LRMDA: variants seen among roughly 807,000 people sequenced by gnomAD.
LRMDA encodes the protein leucine rich melanocyte differentiation associated.
A neutral mutation model predicts 29.8 loss-of-function variants in LRMDA; 18 were observed. That is an observed-to-expected ratio of 0.60 (90% confidence interval 0.42 to 0.90). The LOEUF (loss-of-function observed/expected upper bound fraction) is 0.90. Ranked by LOEUF, LRMDA falls within the 40% of genes least tolerant of loss-of-function variation. The pLI is 0.00. For missense variants in LRMDA, 273 were observed against 273.9 expected (o/e 1.00, Z 0.02); for synonymous variants, 125 against 109.4 (o/e 1.14, Z -0.89).
At chr10:76,314,599 C>T (rs1840669059) in intron 5 of LRMDA, among the ~76,000 whole-genome samples, 1 of 152,160 alleles carries the variant, frequency 6.6e-6, no homozygotes, top group Non-Finnish European at 1.5e-5. Context: ...ATTCAGTAGA[C>T]TCAATTTCAA....
At chr10:75,938,739 C>T (rs1846338848) in intron 2 of LRMDA, among the ~76,000 whole-genome samples, 1 of 152,134 alleles carries the variant, frequency 6.6e-6, no homozygotes, top group Non-Finnish European at 1.5e-5. Flanking sequence ...GTGGCACTGC[C>T]TGAAGACCCT....
intron 5 of LRMDA, among the ~76,000 whole-genome samples, chr10:76,079,514 A>G (rs1203080959): frequency 6.6e-6 from 1 of 152,192 alleles, no homozygotes; most frequent in East Asian, 1.9e-4. Context: ...GCTTTCAACA[A>G]TAAAGTCTCA....
At chr10:75,461,988 T>C (rs927150377) in intron 2 of LRMDA, among the ~76,000 whole-genome samples, 3 of 152,280 alleles carry the variant, frequency 2.0e-5, no homozygotes, top group Non-Finnish European at 4.4e-5. Context: ...TTACCTGCAA[T>C]GGCAATCGTT....
intron 6 of LRMDA, among the ~76,000 whole-genome samples, chr10:76,444,401 C>T (rs1483792580): frequency 1.3e-5 from 2 of 152,154 alleles, no homozygotes; most frequent in Non-Finnish European, 2.9e-5. Context: ...GAGCTGGGCT[C>T]GAGCCCTGGT....
chr10:75,494,781 G>A lies in LRMDA; in HGVS notation c.131+56287G>A, dbSNP rs552557334. Among the ~76,000 whole-genome samples the A allele has an allele frequency of 1.4e-4, 21 of 152,236 alleles. No homozygotes were observed. In the East Asian group the frequency reaches 3.3e-3, roughly 24 times the overall value. On this transcript the variant is annotated intron_variant, in intron 2 of 6. Coordinates refer to ENST00000611255, the MANE Select transcript of LRMDA (RefSeq NM_001305581.2). ...CTCCCAGAGTGCTAGGATTACAGGC[G>A]TGAGCCACCGTGCCTGGCCTGTTTG...
intron 4 of LRMDA, among the ~76,000 whole-genome samples, chr10:76,054,427 G>T (rs1057122802): frequency 3.9e-5 from 6 of 151,972 alleles, no homozygotes; most frequent in African/African-American, 1.4e-4. Flanking sequence ...TAGCTTAAAA[G>T]CCAGCACCTC....
At chr10:75,856,968 G>A (rs921610969) in intron 2 of LRMDA, among the ~76,000 whole-genome samples, 3 of 152,108 alleles carry the variant, frequency 2.0e-5, no homozygotes, top group Non-Finnish European at 4.4e-5. Context: ...TAAGCTGATA[G>A]GCAACTTCAG....
At position 76,421,167 on chromosome 10, in the gene LRMDA, C is replaced by T. The variant is rs570392079; in HGVS notation, c.601+96682C>T. ...GATTGTGAAATTCTCCTTTTTGTCC[C>T]CTATAGTTCTGTTGATTTTTGTTTC... On this transcript the variant is annotated intron_variant, in intron 6 of 6. Coordinates refer to ENST00000611255, the MANE Select transcript of LRMDA (RefSeq NM_001305581.2). 9.9e-5 allele frequency among the ~76,000 whole-genome samples: 15 copies of T among 152,162 alleles called. No homozygotes were observed. In the East Asian group the frequency reaches 2.9e-3, roughly 29 times the overall value.
chr10:76,269,008 A>G (rs1840036842), intron 5 of LRMDA, among the ~76,000 whole-genome samples: 1 of 152,166 alleles, frequency 6.6e-6, no homozygotes, highest in Non-Finnish European at 1.5e-5. Flanking sequence ...AGTCAGGAAT[A>G]TAAATGACTA....
chr10:76,554,295 G>A (rs190482794), intron 6 of LRMDA, among the ~76,000 whole-genome samples: 4 of 152,226 alleles, frequency 2.6e-5, no homozygotes, highest in East Asian at 1.9e-4. Context: ...TTCTGTCACC[G>A]CACACAATCC....
intron 6 of LRMDA, among the ~76,000 whole-genome samples, chr10:76,370,760 C>CTA (rs1589154637): frequency 6.6e-6 from 1 of 152,090 alleles, no homozygotes; most frequent in African/African-American, 2.4e-5. Context: ...AGTATACATA[C>CTA]TATATATAGT....
At chr10:75,573,709 A>G (rs1840465193) in intron 2 of LRMDA, among the ~76,000 whole-genome samples, 1 of 152,222 alleles carries the variant, frequency 6.6e-6, no homozygotes, top group South Asian at 2.1e-4. Flanking sequence ...GATTTAAAAA[A>G]TAACATTCAG....
intron 2 of LRMDA, among the ~76,000 whole-genome samples, chr10:75,685,633 G>C (rs530589036): frequency 6.6e-6 from 1 of 152,304 alleles, no homozygotes; most frequent in Admixed American, 6.5e-5. Flanking sequence ...TGATTTTGAG[G>C]GGATTGAAGT....
At chr10:75,763,821 C>G (rs1298425547) in intron 2 of LRMDA, among the ~76,000 whole-genome samples, 1 of 151,774 alleles carries the variant, frequency 6.6e-6, no homozygotes, top group Non-Finnish European at 1.5e-5. Flanking sequence ...GGTTTCCAAC[C>G]CTGTGTCCAC....
rs147369735 is a variant in LRMDA, at chr10:75,920,667, CCTT to C, written c.132-115335_132-115333del. ...ATCCTTAGCATTGTACCACATTCCT[CCTT>C]CTTCTCTGGCTCTCAGATTTTCTAG... On this transcript the variant is annotated intron_variant, in intron 2 of 6. Coordinates refer to ENST00000611255, the MANE Select transcript of LRMDA (RefSeq NM_001305581.2). Among the ~76,000 whole-genome samples the C allele has an allele frequency of 7.5e-3, 1,146 of 152,304 alleles. 26 individuals carry two copies. Among genetic ancestry groups the C allele is most frequent in the African/African-American group, 0.027 (1,107 of 41,562 alleles).
At chr10:76,362,053 C>T (rs1841319339) in intron 6 of LRMDA, among the ~76,000 whole-genome samples, 1 of 152,172 alleles carries the variant, frequency 6.6e-6, no homozygotes, top group South Asian at 2.1e-4. Flanking sequence ...CTCACGAGTT[C>T]AGAGGGGACC....
intron 2 of LRMDA, among the ~76,000 whole-genome samples, chr10:75,448,890 G>A (rs1261726364): frequency 6.6e-6 from 1 of 152,196 alleles, no homozygotes; most frequent in African/African-American, 2.4e-5. Context: ...AGTGGCTCAC[G>A]CCTATAATCC....
At chr10:75,913,043 C>T (rs1326046167) in intron 2 of LRMDA, among the ~76,000 whole-genome samples, 1 of 152,190 alleles carries the variant, frequency 6.6e-6, no homozygotes, top group East Asian at 1.9e-4. Flanking sequence ...TGCATCATGA[C>T]TTTCATAGAC....
intron 2 of LRMDA, among the ~76,000 whole-genome samples, chr10:75,557,726 T>C (rs2132059267): frequency 6.6e-6 from 1 of 152,308 alleles, no homozygotes; most frequent in Admixed American, 6.5e-5. Flanking sequence ...TTTCTCCTGC[T>C]TTGCCCAGCT....
Sources: allele counts gnomAD v4.1 joint callset (sites outside exome capture counted in the v4.1 genomes callset), GRCh38; gene constraint gnomAD v4.1.1; transcripts MANE v1.5; gene names NCBI Gene and HGNC (gene_info 2026-07-23, HGNC 2026-07-21).